The following KIAA0319L variants were observed in gnomAD, a reference collection of about 807,000 sequenced individuals.
KIAA0319L encodes the protein dyslexia-associated protein KIAA0319-like protein.
Under a neutral mutation model 120.1 loss-of-function variants are expected in KIAA0319L, and 55 were observed. That is an observed-to-expected ratio of 0.46 (90% CI 0.37 to 0.57). KIAA0319L has a LOEUF of 0.57. KIAA0319L is among the 20% of genes least tolerant of loss of function. The probability of loss-of-function intolerance (pLI) is 0.00; values close to 1 mark genes in which losing one functional copy is unlikely to be tolerated. For missense variants in KIAA0319L, 1,049 were observed against 1,255.3 expected (o/e 0.84, Z 2.48); for synonymous variants, 398 against 471.9 (o/e 0.84, Z 2.03).
At chr1:35,499,793 A>C (rs1389417419) in intron 3 of KIAA0319L, among the ~76,000 whole-genome samples, 2 of 151,934 alleles carry the variant, frequency 1.3e-5, no homozygotes, top group South Asian at 2.1e-4. Context: ...AAAAAAAAAA[A>C]AACCCTGAAA....
At chr1:35,435,287 G>A in intron 20 of KIAA0319L, 1 of 569,614 alleles carries the variant, frequency 1.8e-6, no homozygotes, top group South Asian at 2.2e-5. Context: ...GTGTCACAGA[G>A]TACGGATGAG....
chr1:35,455,960 C>T, intron 10 of KIAA0319L, 53 bp downstream of exon 10: 3 of 1,365,428 alleles, frequency 2.2e-6, no homozygotes, highest in Non-Finnish European at 3.1e-6. Flanking sequence ...AAAATGCAGT[C>T]CAGCAGCTCT....
intron 20 of KIAA0319L, among the ~76,000 whole-genome samples, chr1:35,435,920 C>G (rs1640751824): frequency 6.6e-6 from 1 of 152,178 alleles, no homozygotes; most frequent in Non-Finnish European, 1.5e-5. Context: ...GATAGCAGGA[C>G]TAGAGTGGGA....
At chr1:35,533,660 T>C (rs1184105485) in intron 2 of KIAA0319L, among the ~76,000 whole-genome samples, 2 of 152,102 alleles carry the variant, frequency 1.3e-5, no homozygotes, top group East Asian at 3.9e-4. Context: ...GTAATTGAAC[T>C]ATGGCTCTAC....
chr1:35,540,926 C>G (rs993937729), intron 2 of KIAA0319L, among the ~76,000 whole-genome samples: 4 of 152,208 alleles, frequency 2.6e-5, no homozygotes, highest in Admixed American at 1.3e-4. Context: ...ATCTGTCTTG[C>G]TCACCAATGT....
intron 2 of KIAA0319L, among the ~76,000 whole-genome samples, chr1:35,544,556 G>A (rs1344208693): frequency 6.6e-6 from 1 of 152,086 alleles, no homozygotes; most frequent in African/African-American, 2.4e-5. Context: ...CACTTAACAG[G>A]CTGAGGCTGA....
intron 4 of KIAA0319L, among the ~76,000 whole-genome samples, chr1:35,478,093 T>TGGGG (rs1437210128): frequency 6.6e-6 from 1 of 152,210 alleles, no homozygotes; most frequent in East Asian, 1.9e-4. Context: ...ATTTTGTCAT[T>TGGGG]TCCAACAACA....
intron 2 of KIAA0319L, among the ~76,000 whole-genome samples, chr1:35,530,845 A>G (rs1570971468): frequency 6.6e-6 from 1 of 151,998 alleles, no homozygotes; most frequent in Non-Finnish European, 1.5e-5. Flanking sequence ...GGCAACGAAC[A>G]CCATCCAGCA....
chr1:35,471,823 A>G (rs537887728), intron 5 of KIAA0319L, among the ~76,000 whole-genome samples: 2 of 152,362 alleles, frequency 1.3e-5, no homozygotes, highest in East Asian at 3.9e-4. Context: ...TGTTAAAATC[A>G]GTACACAGAA....
At chr1:35,503,622 C>T (rs571929513) in intron 3 of KIAA0319L, among the ~76,000 whole-genome samples, 3 of 152,264 alleles carry the variant, frequency 2.0e-5, no homozygotes, top group African/African-American at 7.2e-5. Flanking sequence ...CTTTTCCTGT[C>T]TTTAATCTCC....
At chr1:35,449,078 T>C (rs1397516738) in intron 15 of KIAA0319L, among the ~76,000 whole-genome samples, 1 of 152,240 alleles carries the variant, frequency 6.6e-6, no homozygotes, top group Non-Finnish European at 1.5e-5. Flanking sequence ...CTATCTGTGA[T>C]CTGACTTTAA....
chr1:35,506,467 C>T lies in KIAA0319L; in HGVS notation c.666+145G>A. 7 of 734,676 alleles carry T rather than the reference C, an allele frequency of 9.5e-6. No homozygotes were observed. The highest frequency in any genetic ancestry group is 8.9e-5 in the South Asian group (5 of 56,180). 45.5% of individuals were successfully genotyped at this position (734,676 alleles called of 1,614,324 possible). A position where few individuals can be genotyped will look rare whatever the true frequency, so the allele number is the denominator to read the frequency against. ...TTACCCTTTGTACATCTGGGCAGCACCAAAGAAGCTGACACCAAGCAGCTT... is the reference window on the plus strand; with the variant it reads ...TTACCCTTTGTACATCTGGGCAGCATCAAAGAAGCTGACACCAAGCAGCTT... On this transcript the variant is annotated intron_variant, in intron 3 of 20. Transcript: ENST00000325722. This position sits in a 1 kb window ranked among gnomAD's most constrained non-coding sequence, Gnocchi z 4.0.
intron 6 of KIAA0319L, among the ~76,000 whole-genome samples, chr1:35,468,860 T>G (rs1056197315): frequency 1.3e-5 from 2 of 152,206 alleles, no homozygotes; most frequent in Non-Finnish European, 2.9e-5. Flanking sequence ...TACCATTTAA[T>G]ACCTTTGTGA....
In KIAA0319L at chr1:35,449,933, G is replaced by A; in HGVS notation, c.2287C>T (p.His763Tyr). 1 of 1,614,108 alleles carries A rather than the reference G, an allele frequency of 6.2e-7. No homozygotes were observed. Among genetic ancestry groups the A allele is most frequent in the Non-Finnish European group, 8.5e-7 (1 of 1,179,968 alleles). Residue 763 changes from histidine (H) to tyrosine (Y), a missense_variant, in exon 15 of 21, where the codon CAC becomes TAC. Transcript: ENST00000325722. Reference protein sequence around the residue: ...SNLVEGTYTFHLKVTDAKGES... With the variant: ...SNLVEGTYTFYLKVTDAKGES... ...CCCTTTGCATCGGTCACTTTCAGGT[G>A]AAAAGTGTAGGTTCCCTCAACCAGG... is the stretch of plus-strand genomic sequence containing the variant.
At chr1:35,466,734 G>C (rs781052901) in intron 6 of KIAA0319L, 39 bp from the exon 7 acceptor site, 76 of 1,327,628 alleles carry the variant, frequency 5.7e-5, no homozygotes, top group Non-Finnish European at 8.2e-5. Flanking sequence ...CAATCACAAA[G>C]AGCAGGAATT....
chr1:35,532,378 A>AC (rs1646404795), intron 2 of KIAA0319L, among the ~76,000 whole-genome samples: 1 of 152,216 alleles, frequency 6.6e-6, no homozygotes, highest in Non-Finnish European at 1.5e-5. Flanking sequence ...AAATACGAAA[A>AC]GAAAAAAACA....
intron 2 of KIAA0319L, among the ~76,000 whole-genome samples, chr1:35,512,872 A>T (rs938635852): frequency 3.2e-5 from 3 of 92,764 alleles, no homozygotes; most frequent in Admixed American, 1.3e-4. Flanking sequence ...ACTCCATCTC[A>T]AAAAAAAAAA....
At chr1:35,489,570 C>A (rs1473744079) in intron 3 of KIAA0319L, among the ~76,000 whole-genome samples, 1 of 152,038 alleles carries the variant, frequency 6.6e-6, no homozygotes, top group African/African-American at 2.4e-5. Flanking sequence ...GAAGGAGACC[C>A]CCTTAAGTAC....
chr1:35,455,573 A>AAT (rs1558318793), intron 10 of KIAA0319L, among the ~76,000 whole-genome samples: 1 of 93,466 alleles, frequency 1.1e-5, no homozygotes, highest in East Asian at 3.3e-4. Context: ...ATTTAAGATA[A>AAT]TTTTTTTTTT....
Sources: gnomAD v4.1 joint callset for allele counts (sites outside exome capture counted in the v4.1 genomes callset) on GRCh38, gnomAD v4.1.1 for gene constraint, Gnocchi (gnomAD v3.1) non-coding constraint, MANE v1.5 for transcripts, NCBI Gene and HGNC (gene_info 2026-07-23, HGNC 2026-07-21) for gene names.